ZDHHC3: variants seen among roughly 807,000 people sequenced by gnomAD.
The protein encoded by ZDHHC3 is palmitoyltransferase ZDHHC3.
ZDHHC3 carries 9 observed loss-of-function variants against 30.6 expected under a neutral mutation model. The ratio of observed to expected loss-of-function variants is 0.29; its 90% CI spans 0.18 to 0.51. The LOEUF is 0.51. Among genes scored for constraint, ZDHHC3 ranks in the 20% least tolerant of loss-of-function variants. The pLI is 0.97. For missense variants in ZDHHC3, 246 were observed against 384.2 expected, an observed-to-expected ratio of 0.64 and a Z score of 3.01; for synonymous variants, 136 against 140.2, an observed-to-expected ratio of 0.97 and a Z score of 0.21.
At chr3:44,968,941 G>A (rs1171973067) in intron 1 of ZDHHC3, among the ~76,000 whole-genome samples, 1 of 152,184 alleles carries the variant, frequency 6.6e-6, no homozygotes, top group South Asian at 2.1e-4. Context: ...TTCACAGGGA[G>A]GTGGCTAACT....
At chr3:44,931,669 A>G (rs1213248623) in intron 5 of ZDHHC3, among the ~76,000 whole-genome samples, 1 of 151,976 alleles carries the variant, frequency 6.6e-6, no homozygotes, top group African/African-American at 2.4e-5. Flanking sequence ...CCTGAAGCTC[A>G]CTCCATCAGG....
chr3:44,919,904 A>C lies in ZDHHC3; in HGVS notation c.*6785T>G. ...TATGCAATACAAACTTGAACACTGA[A>C]TTATAATAATGCAAAGCTGGAAATG... On this transcript the variant is annotated 3_prime_UTR_variant, in exon 7 of 7. Coordinates refer to ENST00000424952, the MANE Select transcript of ZDHHC3 (RefSeq NM_001135179.2). 9.6e-7 allele frequency: 1 copy of C among 1,043,148 alleles called. No individual in the cohort carries two copies. Among genetic ancestry groups the C allele is most frequent in the Non-Finnish European group, 1.2e-6 (1 of 861,240 alleles). 64.6% of individuals were successfully genotyped at this position (1,043,148 alleles called of 1,614,324 possible). A position where few individuals can be genotyped will look rare whatever the true frequency, so the allele number is the denominator to read the frequency against.
rs946439253 is a variant in ZDHHC3, at chr3:44,918,172, G to A, written c.*8517C>T. ...CAGGGAGAAGGGGATGAAGAACATC[G>A]TCAGCGTGGTGCTGGGCTGTACAGC... On this transcript the variant is annotated 3_prime_UTR_variant, in exon 7 of 7. Transcript: ENST00000424952. 18 of 1,295,970 alleles carry A rather than the reference G, an allele frequency of 1.4e-5. No homozygotes were observed. Among genetic ancestry groups the A allele is most frequent in the Admixed American group, 1.4e-4 (6 of 43,274 alleles). The allele number at this position is 1,295,970 out of a possible 1,614,324, so 80.3% of individuals were successfully genotyped here.
Position 44,918,469 on chromosome 3 carries a change from C to A in ZDHHC3, c.*8220G>T, listed in dbSNP as rs1700361071. 3.0e-6 allele frequency: 3 copies of A among 985,398 alleles called. No homozygotes were observed. Among genetic ancestry groups the A allele is most frequent in the African/African-American group, 3.5e-5 (2 of 57,346 alleles). 61.0% of individuals were successfully genotyped at this position (985,398 alleles called of 1,614,324 possible). A position where few individuals can be genotyped will look rare whatever the true frequency, so the allele number is the denominator to read the frequency against. ...TGCAATGCCAGATGATGGGCAGGGGCTAGGCTGATGAGTGGCTGAGGCATA... is the reference window on the plus strand; with the variant it reads ...TGCAATGCCAGATGATGGGCAGGGGATAGGCTGATGAGTGGCTGAGGCATA... On this transcript the variant is annotated 3_prime_UTR_variant, in exon 7 of 7. Transcript: ENST00000424952.
At position 44,959,227 on chromosome 3, in the gene ZDHHC3, A is replaced by G. The variant is rs1704242503; in HGVS notation, c.210T>C (p.Ser70=). The G allele has an allele frequency of 6.2e-7, 1 of 1,614,132 alleles. No homozygotes were observed. The highest frequency in any genetic ancestry group is 1.3e-5 in the African/African-American group (1 of 74,944). Residue 70 remains serine, a synonymous_variant, in exon 2 of 7, where the codon TCT becomes TCC. Transcript: ENST00000424952. This position sits in a 1 kb window ranked among gnomAD's most constrained non-coding sequence, Gnocchi z 4.3. ...TGATGATGCTATACACGTAGTCTCG[A>G]GATGGAATCAGCATGACAAAGAGGA... ...FVVLFVMLIP[S]RDYVYSIING...
At position 44,976,145 on chromosome 3, in the gene ZDHHC3, G is replaced by A. The variant is rs545874956; in HGVS notation, c.-237C>T. The A allele has an allele frequency of 1.4e-5, 10 of 694,828 alleles. 1 individual carries two copies. Among genetic ancestry groups the A allele is most frequent in the Non-Finnish European group, 1.9e-5 (9 of 477,870 alleles). 43.0% of individuals were successfully genotyped at this position (694,828 alleles called of 1,614,324 possible). ...AGCTCTCCCGGCAGTGGCGGCGGCC[G>A]CGGCTGCAGGAGCGGCCGCCGCGCA... On this transcript the variant is annotated 5_prime_UTR_variant, in exon 1 of 7. Transcript: ENST00000424952.
intron 3 of ZDHHC3, among the ~76,000 whole-genome samples, chr3:44,942,973 G>A (rs900284343): frequency 3.9e-5 from 6 of 152,122 alleles, no homozygotes; most frequent in Non-Finnish European, 5.9e-5. Context: ...TCCTAAGCCC[G>A]AGAGTGGCAA....
chr3:44,922,999 C>G lies in ZDHHC3; in HGVS notation c.*3690G>C. On this transcript the variant is annotated 3_prime_UTR_variant, in exon 7 of 7. Coordinates refer to ENST00000424952, the MANE Select transcript of ZDHHC3 (RefSeq NM_001135179.2). The stretch of plus-strand genomic sequence containing the variant: ...AAGAGAGAAATTTAAAACCCATTAG[C>G]CTGGCTGAGAAAGCCCATCCCAGCC... 1 of 985,324 alleles carries G rather than the reference C, an allele frequency of 1.0e-6. No homozygotes were observed. The highest frequency in any genetic ancestry group is 1.2e-6 in the Non-Finnish European group (1 of 829,918). The allele number at this position is 985,324 out of a possible 1,614,324, so 61.0% of individuals were successfully genotyped here.
intron 4 of ZDHHC3, 169 bp from the exon 5 acceptor site, chr3:44,933,368 C>T (rs1172506888): frequency 3.1e-6 from 2 of 644,914 alleles, no homozygotes; most frequent in Non-Finnish European, 5.5e-6. Flanking sequence ...ATCCGTCTAC[C>T]CACCAGCCCT....
At chr3:44,955,027 C>A (rs1472140851) in intron 2 of ZDHHC3, among the ~76,000 whole-genome samples, 2 of 152,218 alleles carry the variant, frequency 1.3e-5, no homozygotes, top group East Asian at 1.9e-4. Flanking sequence ...ACACAGAAAG[C>A]CCCTATAATG....
intron 1 of ZDHHC3, among the ~76,000 whole-genome samples, chr3:44,975,054 ATTTT>A (rs75953495): frequency 2.1e-5 from 3 of 144,588 alleles, no homozygotes; most frequent in South Asian, 2.2e-4. Context: ...GATAAATACC[ATTTT>A]TTTTTTTTTT....
chr3:44,949,166 A>G (rs548024446), intron 2 of ZDHHC3, among the ~76,000 whole-genome samples: 2 of 152,334 alleles, frequency 1.3e-5, no homozygotes, highest in Non-Finnish European at 2.9e-5. Context: ...CCTATGACAG[A>G]AAGTTCAAAA....
rs1700651737 is a variant in ZDHHC3, at chr3:44,922,351, T to A, written c.*4338A>T. On this transcript the variant is annotated 3_prime_UTR_variant, in exon 7 of 7. Coordinates refer to ENST00000424952, the MANE Select transcript of ZDHHC3 (RefSeq NM_001135179.2). ...TGGTTCTACTCTTTTCTCTTTCCCT[T>A]CCGGGCTGCTTCTTCACCCAAAGGG... The A allele has an allele frequency of 2.0e-6, 2 of 985,388 alleles. No homozygotes were observed. The allele number at this position is 985,388 out of a possible 1,614,324, so 61.0% of individuals were successfully genotyped here.
At chr3:44,949,308 C>T (rs9811059) in intron 2 of ZDHHC3, among the ~76,000 whole-genome samples, 88,835 of 151,712 alleles carry the variant, frequency 0.59, 27,190 homozygotes, top group East Asian at 0.9. Flanking sequence ...ATTTTATATA[C>T]ATATACACAT....
chr3:44,956,196 C>T (rs571944677), intron 2 of ZDHHC3, among the ~76,000 whole-genome samples: 1 of 152,286 alleles, frequency 6.6e-6, no homozygotes, highest in Non-Finnish European at 1.5e-5. Flanking sequence ...CAGAAGGCTC[C>T]CCTCTCACTG....
chr3:44,929,617 C>T (rs1314899095), intron 5 of ZDHHC3, among the ~76,000 whole-genome samples, 181 bp from the exon 6 acceptor site: 1 of 152,176 alleles, frequency 6.6e-6, no homozygotes, highest in Non-Finnish European at 1.5e-5. Context: ...GGCTATCTCT[C>T]AATCCCTCAG....
chr3:44,924,329 T>C lies in ZDHHC3; in HGVS notation c.*2360A>G, dbSNP rs1700821457. On this transcript the variant is annotated 3_prime_UTR_variant, in exon 7 of 7. Transcript: ENST00000424952. ...GCTACATTCCTCAGTCATTGTGCTC[T>C]TGGCAAAATATCAGTCTGAACAAAA... The C allele has an allele frequency of 1.0e-6, 1 of 985,408 alleles. No individual in the cohort carries two copies. The highest frequency in any genetic ancestry group is 1.2e-6 in the Non-Finnish European group (1 of 829,886). 61.0% of individuals were successfully genotyped at this position (985,408 alleles called of 1,614,324 possible).
Position 44,924,811 on chromosome 3 carries a change from A to G in ZDHHC3, c.*1878T>C, listed in dbSNP as rs931634794. On this transcript the variant is annotated 3_prime_UTR_variant, in exon 7 of 7. Coordinates refer to ENST00000424952, the MANE Select transcript of ZDHHC3 (RefSeq NM_001135179.2). The stretch of plus-strand genomic sequence containing the variant: ...AAAAAGCATATGGAAAACAAATGCT[A>G]TCAACTTGATCTAAAACAGCATTCT... 2 of 985,428 alleles carry G rather than the reference A, an allele frequency of 2.0e-6. No homozygotes were observed. Among genetic ancestry groups the G allele is most frequent in the African/African-American group, 3.5e-5 (2 of 57,248 alleles). The allele number at this position is 985,428 out of a possible 1,614,324, so 61.0% of individuals were successfully genotyped here. A position where few individuals can be genotyped will look rare whatever the true frequency, so the allele number is the denominator to read the frequency against.
At chr3:44,926,897 T>C in intron 6 of ZDHHC3, 50 bp from the exon 7 acceptor site, 2 of 1,538,778 alleles carry the variant, frequency 1.3e-6, no homozygotes, top group Non-Finnish European at 1.7e-6. Flanking sequence ...ATTGCTGTGG[T>C]TTCTGGGGAG....
Sources: allele counts gnomAD v4.1 joint callset (sites outside exome capture counted in the v4.1 genomes callset), GRCh38; gene constraint gnomAD v4.1.1; non-coding constraint Gnocchi (gnomAD v3.1); transcripts MANE v1.5; gene names NCBI Gene and HGNC (gene_info 2026-07-23, HGNC 2026-07-21).